DLG2: variants seen among roughly 807,000 people sequenced by gnomAD.
DLG2 encodes the protein disks large homolog 2.
DLG2 carries 45 observed loss-of-function variants against 132.5 expected under a neutral mutation model. The ratio of observed to expected loss-of-function variants is 0.34; its 90% CI spans 0.27 to 0.44. The LOEUF is 0.44. Among genes scored for constraint, DLG2 ranks in the 20% least tolerant of loss-of-function variants. DLG2 has a pLI of 1.00. For missense variants in DLG2, 1,045 were observed against 1,196.9 expected (o/e 0.87, Z 1.87); for synonymous variants, 424 against 419.6 (o/e 1.01, Z -0.13).
At chr11:84,768,342 C>T (rs1242175669) in intron 6 of DLG2, among the ~76,000 whole-genome samples, 1 of 152,024 alleles carries the variant, frequency 6.6e-6, no homozygotes, top group Non-Finnish European at 1.5e-5. Flanking sequence ...ATTATGAAGC[C>T]ATTTAATGCC....
At chr11:84,439,920 TAGAG>T (rs758346886) in intron 7 of DLG2, among the ~76,000 whole-genome samples, 1 of 152,210 alleles carries the variant, frequency 6.6e-6, no homozygotes, top group Non-Finnish European at 1.5e-5. Context: ...ACTGATATCA[TAGAG>T]AGAATCAAAG....
intron 15 of DLG2, among the ~76,000 whole-genome samples, chr11:83,922,512 G>T (rs532822037): frequency 2.7e-4 from 41 of 152,256 alleles, no homozygotes; most frequent in Non-Finnish European, 5.0e-4. Context: ...GTGAAATAAA[G>T]AATTCTTTAA....
At chr11:84,834,797 G>GA (rs5793140) in intron 6 of DLG2, among the ~76,000 whole-genome samples, 23,447 of 144,118 alleles carry the variant, frequency 0.16, 2,992 homozygotes, top group East Asian at 0.48. Context: ...TCTTTTCTCA[G>GA]AAAAAAAAAA....
In DLG2 at chr11:83,723,299, A is replaced by G. The variant is rs572020168; in HGVS notation, c.1825+63391T>C. On this transcript the variant is annotated intron_variant, in intron 18 of 27. Transcript: ENST00000376104. ...GGAGGCTGAGGCAGAAGAATCGCTTAAACCCAGGAGGCGGAGGTTGCAGTG... is the reference window on the plus strand; with the variant it reads ...GGAGGCTGAGGCAGAAGAATCGCTTGAACCCAGGAGGCGGAGGTTGCAGTG... 2.0e-5 allele frequency among the ~76,000 whole-genome samples: 3 copies of G among 152,186 alleles called. No individual in the cohort carries two copies. The East Asian group carries it at 5.8e-4, about 29-fold the overall frequency.
chr11:83,993,204 G>T (rs2093821088), intron 11 of DLG2, among the ~76,000 whole-genome samples: 1 of 152,114 alleles, frequency 6.6e-6, no homozygotes, highest in South Asian at 2.1e-4. Context: ...AATAGACTAT[G>T]TTAGCACAGT....
chr11:83,838,901 A>G (rs985540716), intron 16 of DLG2, among the ~76,000 whole-genome samples: 7 of 152,232 alleles, frequency 4.6e-5, no homozygotes, highest in Admixed American at 3.3e-4. Context: ...TATGGAGGGA[A>G]TCATATTTTA....
intron 18 of DLG2, among the ~76,000 whole-genome samples, chr11:83,690,857 A>T (rs769734169): frequency 2.6e-5 from 4 of 152,214 alleles, no homozygotes; most frequent in Admixed American, 6.6e-5. Context: ...TGAAATTCAA[A>T]TTTCATGACC....
At chr11:85,226,500 C>T (rs2074985389) in intron 4 of DLG2, among the ~76,000 whole-genome samples, 1 of 152,034 alleles carries the variant, frequency 6.6e-6, no homozygotes, top group African/African-American at 2.4e-5. Flanking sequence ...CTACAGTGAG[C>T]TATGATCTCG....
At chr11:83,660,298 A>G (rs2073924371) in intron 18 of DLG2, among the ~76,000 whole-genome samples, 1 of 152,252 alleles carries the variant, frequency 6.6e-6, no homozygotes, top group Admixed American at 6.5e-5. Flanking sequence ...GCTATGGAAG[A>G]GGTCATAAGT....
At chr11:84,980,628 C>T (rs184609545) in intron 6 of DLG2, among the ~76,000 whole-genome samples, 1 of 152,174 alleles carries the variant, frequency 6.6e-6, no homozygotes, top group Admixed American at 6.6e-5. Flanking sequence ...ATTCCAGCAC[C>T]AAAACATTAT....
chr11:84,003,105 A>C (rs990464541), intron 11 of DLG2, among the ~76,000 whole-genome samples: 1 of 150,644 alleles, frequency 6.6e-6, no homozygotes, highest in Non-Finnish European at 1.5e-5. Context: ...AAATGCCTCC[A>C]GTCTCTTTGC....
intron 6 of DLG2, chr11:84,687,097 A>T (rs1347417945): frequency 1.3e-5 from 2 of 152,014 alleles, no homozygotes; most frequent in African/African-American, 2.4e-5. Flanking sequence ...TATTTCAAAT[A>T]CTTAGAAGGA....
intron 3 of DLG2, among the ~76,000 whole-genome samples, chr11:85,370,246 A>C (rs186758873): frequency 4.3e-4 from 65 of 152,360 alleles, no homozygotes; most frequent in African/African-American, 1.6e-3. Flanking sequence ...ACTACTAGAA[A>C]TAGATTTACA....
chr11:83,851,180 A>C (rs1006747091), intron 16 of DLG2, among the ~76,000 whole-genome samples: 46 of 150,806 alleles, frequency 3.1e-4, no homozygotes, highest in Non-Finnish European at 5.2e-4. Flanking sequence ...CCGTCTCAAA[A>C]AAAAAAAAAA....
At chr11:83,492,454 C>G (rs1210692870) in intron 21 of DLG2, among the ~76,000 whole-genome samples, 1 of 151,972 alleles carries the variant, frequency 6.6e-6, no homozygotes, top group Non-Finnish European at 1.5e-5. Context: ...CCTTCCCTGT[C>G]TCCAGCTTGA....
intron 3 of DLG2, among the ~76,000 whole-genome samples, chr11:85,420,098 C>A (rs971256086): frequency 1.3e-5 from 2 of 152,086 alleles, no homozygotes; most frequent in East Asian, 1.9e-4. Flanking sequence ...TGGTTGGTGA[C>A]CTTTGGATGG....
At chr11:84,068,786 A>G (rs1170718451) in intron 10 of DLG2, among the ~76,000 whole-genome samples, 1 of 152,186 alleles carries the variant, frequency 6.6e-6, no homozygotes, top group African/African-American at 2.4e-5. Flanking sequence ...ATTATATACT[A>G]TGTTATATAG....
intron 6 of DLG2, among the ~76,000 whole-genome samples, chr11:84,560,375 C>T (rs983790504): frequency 6.6e-6 from 1 of 152,024 alleles, no homozygotes; most frequent in Non-Finnish European, 1.5e-5. Flanking sequence ...TACAAATGAC[C>T]AAGCAAGAGA....
intron 6 of DLG2, among the ~76,000 whole-genome samples, chr11:84,598,933 G>C (rs1185524542): frequency 2.0e-5 from 3 of 150,218 alleles, no homozygotes; most frequent in African/African-American, 4.9e-5. Flanking sequence ...GGCAGAGTGA[G>C]ACCCTGCCTC....
Sources: allele counts gnomAD v4.1 joint callset (sites outside exome capture counted in the v4.1 genomes callset), GRCh38; gene constraint gnomAD v4.1.1; transcripts MANE v1.5; gene names NCBI Gene and HGNC (gene_info 2026-07-23, HGNC 2026-07-21).